Variants in SSR3 observed in about 807,000 individuals in gnomAD.
The protein encoded by SSR3 is signal sequence receptor subunit 3, also known as translocon-associated protein subunit gamma.
SSR3 carries 10 observed loss-of-function variants against 22.1 expected under a neutral mutation model. The observed-to-expected ratio is 0.45, with a 90% confidence interval of 0.28 to 0.77. SSR3 has a LOEUF of 0.77. Among genes scored for constraint, SSR3 ranks in the 30% least tolerant of loss-of-function variants. The pLI is 0.13. For synonymous variants in SSR3, 104 were observed against 82.5 expected, an observed-to-expected ratio of 1.26 and a Z score of -1.42; for missense variants, 181 against 220.5, an observed-to-expected ratio of 0.82 and a Z score of 1.13.
chr3:156,541,325 C>G lies in SSR3; in HGVS notation c.*1878G>C, dbSNP rs1289771700. On this transcript the variant is annotated 3_prime_UTR_variant, in exon 5 of 5. Coordinates refer to ENST00000265044, the MANE Select transcript of SSR3 (RefSeq NM_007107.5). ...GGACACTGATGGTTTGTCAAATAAG[C>G]AAATGCATTTATTTGATACACAAAT... The G allele has an allele frequency of 1.3e-5, 2 of 152,070 alleles. No homozygotes were observed. The highest frequency in any genetic ancestry group is 2.9e-5 in the Non-Finnish European group (2 of 68,016). The allele number at this position is 152,070 out of a possible 1,614,324, so 9.4% of individuals were successfully genotyped here.
rs1357176069 is a variant in SSR3 at position 156,542,589 on chromosome 3, A to G, written c.*614T>C. On this transcript the variant is annotated 3_prime_UTR_variant, in exon 5 of 5. Transcript: ENST00000265044. Reference sequence around the variant, plus strand: ...TAGGACAACTCTCATATGCCTGGGCACTATTTTTAGGTTACTACCTTGGCT... The same window carrying G: ...TAGGACAACTCTCATATGCCTGGGCGCTATTTTTAGGTTACTACCTTGGCT... 2 of 152,168 alleles carry G rather than the reference A, an allele frequency of 1.3e-5. No homozygotes were observed. Among genetic ancestry groups the G allele is most frequent in the Non-Finnish European group, 2.9e-5 (2 of 68,038 alleles). The allele number at this position is 152,168 out of a possible 1,614,324, so 9.4% of individuals were successfully genotyped here. A position where few individuals can be genotyped will look rare whatever the true frequency, so the allele number is the denominator to read the frequency against.
chr3:156,552,748 C>A (rs531458965), intron 2 of SSR3, among the ~76,000 whole-genome samples: 2 of 152,114 alleles, frequency 1.3e-5, no homozygotes, highest in Non-Finnish European at 2.9e-5. Context: ...CATCAAAGGG[C>A]GTCAATTAAA....
At chr3:156,550,764 A>G (rs923017790) in intron 2 of SSR3, among the ~76,000 whole-genome samples, 9 of 152,264 alleles carry the variant, frequency 5.9e-5, no homozygotes, top group African/African-American at 2.2e-4. Context: ...TTAAAAAACA[A>G]AAACAACTTC....
intron 3 of SSR3, among the ~76,000 whole-genome samples, chr3:156,548,133 C>A (rs1719826084): frequency 6.6e-6 from 1 of 152,160 alleles, no homozygotes; most frequent in Non-Finnish European, 1.5e-5. Context: ...AACAAAAGAT[C>A]CATGAAAACC....
Position 156,554,972 on chromosome 3 carries a change from A to G in SSR3, c.118T>C (p.Ser40Pro). Residue 40 changes from serine to proline, a missense_variant, in exon 1 of 5, where the codon TCT becomes CCT. Transcript: ENST00000265044. The stretch of plus-strand genomic sequence containing the variant: ...CAGCACTCACAGATGGGGATGGCAG[A>G]CACGATGAACGCGTTTCCGAAGAAG... Reference protein sequence around the residue: ...ALFFGNAFIVSAIPIWLYWRI... With the variant: ...ALFFGNAFIVPAIPIWLYWRI... 1 of 1,613,898 alleles carries G rather than the reference A, an allele frequency of 6.2e-7. No homozygotes were observed. The highest frequency in any genetic ancestry group is 2.2e-5 in the East Asian group (1 of 44,882).
intron 3 of SSR3, 35 bp downstream of exon 3, chr3:156,548,870 T>A (rs1425059834): frequency 6.2e-7 from 1 of 1,603,422 alleles, no homozygotes; most frequent in Admixed American, 1.7e-5. Context: ...AAGTACCCCC[T>A]TTTATGATGG....
chr3:156,550,209 T>C (rs1719900122), intron 2 of SSR3, among the ~76,000 whole-genome samples: 1 of 152,172 alleles, frequency 6.6e-6, no homozygotes, highest in Non-Finnish European at 1.5e-5. Flanking sequence ...TGAAAAGAAA[T>C]GGACACAGTT....
intron 3 of SSR3, among the ~76,000 whole-genome samples, chr3:156,545,296 C>G (rs1467010731): frequency 1.3e-5 from 2 of 152,188 alleles, no homozygotes; most frequent in Non-Finnish European, 2.9e-5. Context: ...AATAGAAAAA[C>G]ATCAGCAGCA....
chr3:156,553,871 C>T, intron 1 of SSR3, 90 bp from the exon 2 acceptor site: 9 of 1,351,520 alleles, frequency 6.7e-6, no homozygotes, highest in Non-Finnish European at 9.0e-6. Flanking sequence ...TATAGCTAAG[C>T]CTGGTAAAAT....
chr3:156,553,515 T>C (rs1720035508), intron 2 of SSR3, 140 bp downstream of exon 2: 4 of 834,620 alleles, frequency 4.8e-6, no homozygotes, highest in South Asian at 4.8e-5. Flanking sequence ...CTAGCATCAA[T>C]GTTCCTTTCC....
chr3:156,545,656 T>A (rs1308086711), intron 3 of SSR3, among the ~76,000 whole-genome samples: 1 of 152,248 alleles, frequency 6.6e-6, no homozygotes, highest in East Asian at 1.9e-4. Flanking sequence ...CTCTAACAGA[T>A]GCCATATTTC....
At chr3:156,543,340 T>A in intron 4 of SSR3, 71 bp from the exon 5 acceptor site, 1 of 1,200,098 alleles carries the variant, frequency 8.3e-7, no homozygotes, top group Non-Finnish European at 1.2e-6. Context: ...AAAGAGCCCA[T>A]CTCTTTGGAA....
rs1011757650 is a variant in SSR3 at position 156,554,982 on chromosome 3, C to A, written c.108G>T (p.Ala36=). The A allele has an allele frequency of 6.2e-7, 1 of 1,613,870 alleles. No individual in the cohort carries two copies. The highest frequency in any genetic ancestry group is 2.2e-5 in the East Asian group (1 of 44,888). Residue 36 remains alanine, a synonymous_variant, in exon 1 of 5, where the codon GCG becomes GCT. Transcript: ENST00000265044. ...AKSSALFFGN[A]FIVSAIPIWL... Reference sequence around the variant, plus strand: ...AGATGGGGATGGCAGACACGATGAACGCGTTTCCGAAGAAGAGCGCGGAGG... The same window carrying A: ...AGATGGGGATGGCAGACACGATGAAAGCGTTTCCGAAGAAGAGCGCGGAGG...
At chr3:156,552,418 C>G (rs577641129) in intron 2 of SSR3, among the ~76,000 whole-genome samples, 8 of 152,100 alleles carry the variant, frequency 5.3e-5, no homozygotes, top group Non-Finnish European at 7.4e-5. Flanking sequence ...ATACCTGCAC[C>G]TCATATGGAT....
Position 156,544,310 on chromosome 3 carries a change from TGTGGG to T in SSR3, c.484_488del (p.Pro162SerfsTer59). ...ATAATCAACCTTGAAAAGGATACAC[TGTGGG>T]GTTGAAGTTCTTCAATATGAAGAAG... On this transcript the variant is annotated frameshift_variant, in exon 4 of 5. Transcript: ENST00000265044. LOFTEE classifies it high-confidence loss of function. 1.9e-6 allele frequency: 3 copies of T among 1,586,102 alleles called. No individual in the cohort carries two copies. The highest frequency in any genetic ancestry group is 2.6e-6 in the Non-Finnish European group (3 of 1,167,440).
At chr3:156,547,180 C>T (rs1169490648) in intron 3 of SSR3, among the ~76,000 whole-genome samples, 1 of 152,094 alleles carries the variant, frequency 6.6e-6, no homozygotes, top group Non-Finnish European at 1.5e-5. Flanking sequence ...TATATATATC[C>T]ATGAAACCTC....
At chr3:156,554,090 G>A (rs1294064252) in intron 1 of SSR3, 1 of 217,230 alleles carries the variant, frequency 4.6e-6, no homozygotes, top group Non-Finnish European at 9.1e-6. Flanking sequence ...TCATTCATCA[G>A]GGTACTAGCA....
chr3:156,546,923 C>T (rs1442874047), intron 3 of SSR3, among the ~76,000 whole-genome samples: 2 of 152,084 alleles, frequency 1.3e-5, no homozygotes, highest in Admixed American at 1.3e-4. Context: ...TGAATGTAGA[C>T]AGAGCTTTGA....
At chr3:156,544,277 TA>T in intron 4 of SSR3, 30 bp downstream of exon 4, 3 of 1,489,188 alleles carry the variant, frequency 2.0e-6, no homozygotes, top group Admixed American at 2.3e-5. Context: ...TCTTGACTTC[TA>T]AAAAAGATAA....
Sources: allele counts gnomAD v4.1 joint callset (sites outside exome capture counted in the v4.1 genomes callset), GRCh38; gene constraint gnomAD v4.1.1; transcripts MANE v1.5; gene names NCBI Gene and HGNC (gene_info 2026-07-23, HGNC 2026-07-21).